The following EIF5B variants were observed in gnomAD, a reference collection of about 807,000 sequenced individuals.
EIF5B encodes eIF-5B.
Under a neutral mutation model 147.5 loss-of-function variants are expected in EIF5B, and 47 were observed. The observed-to-expected ratio is 0.32, with a 90% CI of 0.25 to 0.41. The LOEUF (loss-of-function observed/expected upper bound fraction) is 0.41, where lower values mean the gene tolerates loss of function less well. EIF5B is among the 10% of genes least tolerant of loss of function. EIF5B has a pLI of 1.00. For synonymous variants in EIF5B, 455 were observed against 456.2 expected (o/e 1.00, Z 0.03); for missense variants, 1,064 against 1,413.2 (o/e 0.75, Z 3.96).
intron 1 of EIF5B, among the ~76,000 whole-genome samples, chr2:99,354,629 T>A (rs1466922458): frequency 6.6e-6 from 1 of 152,148 alleles, no homozygotes; most frequent in Admixed American, 6.5e-5. Context: ...TAAAAGTTTA[T>A]GCTTTTATTT....
intron 14 of EIF5B, among the ~76,000 whole-genome samples, chr2:99,386,161 G>A (rs936750079): frequency 2.0e-5 from 3 of 152,048 alleles, no homozygotes; most frequent in Admixed American, 2.0e-4. Context: ...GCGAATACTC[G>A]CCCTACCTCC....
intron 6 of EIF5B, among the ~76,000 whole-genome samples, chr2:99,365,027 A>G (rs1239742044): frequency 6.6e-6 from 1 of 152,198 alleles, no homozygotes; most frequent in African/African-American, 2.4e-5. Context: ...AACTGGGCAT[A>G]TAATTTATTA....
At chr2:99,366,706 A>AGC (rs1199593187) in intron 6 of EIF5B, among the ~76,000 whole-genome samples, 1 of 152,014 alleles carries the variant, frequency 6.6e-6, no homozygotes, top group Non-Finnish European at 1.5e-5. Flanking sequence ...TCAAAATCAC[A>AGC]GCATGGTATT....
chr2:99,392,829 A>G lies in EIF5B; in HGVS notation c.2749-138A>G, dbSNP rs947730716. On this transcript the variant is annotated intron_variant, in intron 17 of 23. Coordinates refer to ENST00000289371, the MANE Select transcript of EIF5B (RefSeq NM_015904.4). ...AATATTTAATTTTAATGTTAAATTT[A>G]TCAGTCTTGTGATTATTGCTTTTTG... 5.9e-6 allele frequency: 4 copies of G among 680,958 alleles called. No individual in the cohort carries two copies. The African/African-American group carries it at 7.4e-5, about 13-fold the overall frequency. 42.2% of individuals were successfully genotyped at this position (680,958 alleles called of 1,614,324 possible).
chr2:99,338,541 T>A (rs1456502869), intron 1 of EIF5B: 1 of 333,212 alleles, frequency 3.0e-6, no homozygotes, highest in Admixed American at 4.2e-5. Context: ...TTAAAATAAG[T>A]TTACTAATTA....
intron 10 of EIF5B, among the ~76,000 whole-genome samples, chr2:99,378,771 T>C (rs1674615084): frequency 6.6e-6 from 1 of 152,208 alleles, no homozygotes; most frequent in Non-Finnish European, 1.5e-5. Context: ...AATGACACTT[T>C]ACAATATTCC....
intron 14 of EIF5B, among the ~76,000 whole-genome samples, chr2:99,388,572 G>A (rs539466670): frequency 1.1e-4 from 17 of 152,244 alleles, no homozygotes; most frequent in Admixed American, 9.8e-4. Flanking sequence ...CGTATGTAGA[G>A]ATGTTCATGT....
Position 99,390,675 on chromosome 2 carries a change from A to G in EIF5B, c.2718A>G (p.Leu906=), listed in dbSNP as rs1674906852. ...TAACTCAGATTCGAGGCCTCCTGTT[A>G]CCTCCTCCTATGAAGGAATTACGAG... is the stretch of plus-strand genomic sequence containing the variant. The part of the protein sequence containing the change: ...PIVTQIRGLL[L]PPPMKELRVK... Residue 906 remains leucine (L), a synonymous_variant, in exon 17 of 24, where the codon TTA becomes TTG. Coordinates refer to ENST00000289371, the MANE Select transcript of EIF5B (RefSeq NM_015904.4). The G allele has an allele frequency of 6.2e-7, 1 of 1,607,276 alleles. No homozygotes were observed. Among genetic ancestry groups the G allele is most frequent in the African/African-American group, 1.3e-5 (1 of 74,852 alleles).
intron 10 of EIF5B, among the ~76,000 whole-genome samples, chr2:99,378,504 T>C (rs1674608744): frequency 6.6e-6 from 1 of 152,212 alleles, no homozygotes; most frequent in Non-Finnish European, 1.5e-5. Flanking sequence ...GAACCTTAAA[T>C]AAACAGTCTC....
In EIF5B at chr2:99,379,085, C is replaced by G. The variant is rs1376109315; in HGVS notation, c.1909C>G (p.Leu637Val). The change falls in exon 11 of 24, where the codon CTT (leucine) becomes GTT (valine). Residue 637 changes from leucine to valine, a missense_variant. By Grantham distance (32) the Leu-to-Val change is conservative. Coordinates refer to ENST00000289371, the MANE Select transcript of EIF5B (RefSeq NM_015904.4). ...EKLRAPIICVLGHVDTGKTKI... is the reference protein window; with the variant it reads ...EKLRAPIICVVGHVDTGKTKI... ...GCTAAGAGCCCCTATTATCTGCGTACTTGGGCATGTGGACACAGGGAAGAC... is the reference window on the plus strand; with the variant it reads ...GCTAAGAGCCCCTATTATCTGCGTAGTTGGGCATGTGGACACAGGGAAGAC... 6.2e-7 allele frequency: 1 copy of G among 1,605,282 alleles called. No homozygotes were observed. Among genetic ancestry groups the G allele is most frequent in the Non-Finnish European group, 8.5e-7 (1 of 1,177,224 alleles).
rs1173425860 is a variant in EIF5B at position 99,382,233 on chromosome 2, G to A, written c.2129+7G>A. The A allele has an allele frequency of 9.3e-6, 15 of 1,611,690 alleles. No individual in the cohort carries two copies. Among genetic ancestry groups the A allele is most frequent in the Non-Finnish European group, 1.3e-5 (15 of 1,178,408 alleles). ...CTGGGCATGAATCTTTCAGGTAAGAGCAATTTGAGTCTTTTCTCATCAAGC... is the reference window on the plus strand; with the variant it reads ...CTGGGCATGAATCTTTCAGGTAAGAACAATTTGAGTCTTTTCTCATCAAGC... On this transcript the variant is annotated splice_region_variant and intron_variant, in intron 13 of 23. Transcript: ENST00000289371.
intron 1 of EIF5B, among the ~76,000 whole-genome samples, chr2:99,338,648 G>C (rs1040522886): frequency 1.3e-5 from 2 of 152,090 alleles, no homozygotes; most frequent in African/African-American, 4.8e-5. Context: ...TCAGTTTTAG[G>C]TCTATTGGAG....
At chr2:99,368,285 A>G (rs779657381) in intron 6 of EIF5B, among the ~76,000 whole-genome samples, 1 of 152,234 alleles carries the variant, frequency 6.6e-6, no homozygotes, top group Non-Finnish European at 1.5e-5. Flanking sequence ...ACACGTATCA[A>G]AACTCTCACT....
At chr2:99,393,449 T>G (rs1226597625) in intron 18 of EIF5B, among the ~76,000 whole-genome samples, 1 of 151,872 alleles carries the variant, frequency 6.6e-6, no homozygotes, top group Non-Finnish European at 1.5e-5. Context: ...GAGGCTGCAG[T>G]GAGCCAAGAT....
chr2:99,354,146 A>G (rs1371442051), intron 1 of EIF5B, among the ~76,000 whole-genome samples: 1 of 152,224 alleles, frequency 6.6e-6, no homozygotes, highest in Admixed American at 6.5e-5. Flanking sequence ...TTATATTTCT[A>G]CCAGCAGTGT....
intron 8 of EIF5B, among the ~76,000 whole-genome samples, chr2:99,370,162 C>A (rs1358754397): frequency 6.6e-6 from 1 of 151,980 alleles, no homozygotes; most frequent in African/African-American, 2.4e-5. Flanking sequence ...TTAGACCTTC[C>A]TAAAGGTCGG....
Position 99,396,787 on chromosome 2 carries a change from A to G in EIF5B, c.3282A>G (p.Ile1094Met), listed in dbSNP as rs1334818363. The G allele has an allele frequency of 6.2e-7, 1 of 1,611,800 alleles. No homozygotes were observed. Among genetic ancestry groups the G allele is most frequent in the Non-Finnish European group, 8.5e-7 (1 of 1,179,338 alleles). The change falls in exon 22 of 24, where the codon ATA (isoleucine) becomes ATG (methionine). Residue 1094 changes from isoleucine to methionine, a missense_variant. This residue lies in a region of EIF5B where 380 missense variants were observed against 715.6 expected (regional missense o/e 0.53). Transcript: ENST00000289371. ...ACATAGCAGTATTTCCCTGCAAGAT[A>G]AAAATCCTCCCTCAGTACATTTTTA... ...FKHIAVFPCKIKILPQYIFNS... is the reference protein window; with the variant it reads ...FKHIAVFPCKMKILPQYIFNS...
chr2:99,392,903 T>C (rs1674966483), intron 17 of EIF5B, 64 bp from the exon 18 acceptor site: 14 of 1,310,706 alleles, frequency 1.1e-5, no homozygotes, highest in Non-Finnish European at 1.4e-5. Flanking sequence ...GATTCTCTTA[T>C]ATCATCTTCT....
At chr2:99,383,053 A>T in intron 14 of EIF5B, 132 bp downstream of exon 14, 1 of 970,464 alleles carries the variant, frequency 1.0e-6, no homozygotes, top group Non-Finnish European at 1.4e-6. Flanking sequence ...CTTCACAGAT[A>T]TTGTGTGTGT....
Sources: gnomAD v4.1 joint callset for allele counts (sites outside exome capture counted in the v4.1 genomes callset) on GRCh38, gnomAD v4.1.1 for gene constraint, gnomAD v4.1.1 regional missense constraint, MANE v1.5 for transcripts, NCBI Gene and HGNC (gene_info 2026-07-23, HGNC 2026-07-21) for gene names.